Variants in FAM227B observed in about 807,000 individuals in gnomAD.
FAM227B encodes the protein family with sequence similarity 227 member B.
FAM227B carries 88 observed loss-of-function variants against 73.8 expected under a neutral mutation model. That is an observed-to-expected ratio of 1.19 (90% CI 1.00 to 1.42). The LOEUF is 1.42. FAM227B is among the 40% of genes most tolerant of loss of function. FAM227B has a pLI of 0.00. For missense variants in FAM227B, 632 were observed against 590.9 expected, an observed-to-expected ratio of 1.07 and a Z score of -0.72; for synonymous variants, 210 against 190.5, an observed-to-expected ratio of 1.10 and a Z score of -0.84.
intron 11 of FAM227B, among the ~76,000 whole-genome samples, chr15:49,432,326 T>C (rs1567264741): frequency 1.3e-5 from 2 of 151,734 alleles, no homozygotes. Context: ...GGCTGTTTCC[T>C]GTAGCACAGC....
At chr15:49,458,959 A>G (rs912277648) in intron 11 of FAM227B, among the ~76,000 whole-genome samples, 4 of 152,140 alleles carry the variant, frequency 2.6e-5, no homozygotes, top group Non-Finnish European at 4.4e-5. Context: ...AAAAATATTG[A>G]TCTGCTATCC....
In FAM227B at chr15:49,353,152, C is replaced by A. The variant is rs944151358; in HGVS notation, c.1271+14296G>T. Among the ~76,000 whole-genome samples the A allele has an allele frequency of 2.0e-5, 3 of 152,274 alleles. No homozygotes were observed. In the East Asian group the frequency reaches 5.8e-4, roughly 29 times the overall value. ...TTCAGCCACTGATAGTGTGGAAAGT[C>A]AAATTCCTCCAACAAAATCATAGGG... On this transcript the variant is annotated intron_variant, in intron 13 of 15. Coordinates refer to ENST00000299338, the MANE Select transcript of FAM227B (RefSeq NM_152647.3).
chr15:49,540,517 G>A (rs1303198917), intron 10 of FAM227B, among the ~76,000 whole-genome samples: 5 of 152,158 alleles, frequency 3.3e-5, no homozygotes, highest in South Asian at 2.1e-4. Context: ...GTGTGAGAGA[G>A]ATAAAAGCTG....
At chr15:49,619,315 G>A (rs2078504174) in intron 1 of FAM227B, among the ~76,000 whole-genome samples, 1 of 152,168 alleles carries the variant, frequency 6.6e-6, no homozygotes, top group African/African-American at 2.4e-5. Flanking sequence ...AATGGAACAG[G>A]ACTTTGACAC....
chr15:49,440,092 A>G (rs2051494606), intron 11 of FAM227B, among the ~76,000 whole-genome samples: 1 of 151,814 alleles, frequency 6.6e-6, no homozygotes, highest in Admixed American at 6.6e-5. Context: ...TCACGAAAAG[A>G]TAACTTTTCA....
intron 10 of FAM227B, among the ~76,000 whole-genome samples, chr15:49,535,085 A>G (rs1454661560): frequency 3.1e-4 from 47 of 151,742 alleles, no homozygotes; most frequent in Non-Finnish European, 3.0e-5. Flanking sequence ...ATAACAAAAA[A>G]CAGAACAGAA....
intron 13 of FAM227B, among the ~76,000 whole-genome samples, chr15:49,359,851 A>C (rs1269993656): frequency 2.1e-5 from 3 of 142,152 alleles, no homozygotes; most frequent in Non-Finnish European, 3.1e-5. Context: ...AATGTCCAAA[A>C]ATGATAGACT....
intron 3 of FAM227B, chr15:49,606,351 T>G (rs534872545): frequency 4.6e-5 from 7 of 152,298 alleles, no homozygotes; most frequent in South Asian, 2.1e-4. Context: ...CCATTCTAGT[T>G]TTCTCTCTTT....
chr15:49,469,672 A>G (rs2054562797), intron 11 of FAM227B, among the ~76,000 whole-genome samples: 1 of 152,186 alleles, frequency 6.6e-6, no homozygotes, highest in African/African-American at 2.4e-5. Flanking sequence ...AAAAGTAGCC[A>G]AGGAACTTCA....
intron 11 of FAM227B, among the ~76,000 whole-genome samples, chr15:49,463,252 C>A (rs77324001): frequency 0.017 from 2,608 of 152,204 alleles, 89 homozygotes; most frequent in African/African-American, 0.06. Context: ...CCATCCTCTA[C>A]AGAATAAAAA....
chr15:49,355,979 C>G (rs2151350148), intron 13 of FAM227B, among the ~76,000 whole-genome samples: 1 of 151,498 alleles, frequency 6.6e-6, no homozygotes, highest in Middle Eastern at 3.4e-3. Flanking sequence ...AATTTCATAT[C>G]CAGCCAAACT....
intron 10 of FAM227B, among the ~76,000 whole-genome samples, chr15:49,534,902 G>T (rs2060895346): frequency 6.6e-6 from 1 of 151,542 alleles, no homozygotes. Context: ...AAAGGAAAAT[G>T]GAAACATGAC....
intron 11 of FAM227B, among the ~76,000 whole-genome samples, chr15:49,377,128 G>A (rs1408257183): frequency 6.6e-6 from 1 of 151,960 alleles, no homozygotes; most frequent in Non-Finnish European, 1.5e-5. Flanking sequence ...TTGAGAACAT[G>A]CAATGTTTGT....
At chr15:49,515,427 A>G (rs1255639264) in intron 10 of FAM227B, among the ~76,000 whole-genome samples, 1 of 152,122 alleles carries the variant, frequency 6.6e-6, no homozygotes, top group African/African-American at 2.4e-5. Context: ...TTCCTGTCTG[A>G]TATTCCAATC....
intron 10 of FAM227B, among the ~76,000 whole-genome samples, chr15:49,519,484 C>T (rs2059627962): frequency 6.6e-6 from 1 of 152,228 alleles, no homozygotes; most frequent in Non-Finnish European, 1.5e-5. Context: ...CATTTCCATA[C>T]ATCCTCTAAT....
chr15:49,433,845 A>G (rs1040513969), intron 11 of FAM227B, among the ~76,000 whole-genome samples: 1 of 151,780 alleles, frequency 6.6e-6, no homozygotes, highest in African/African-American at 2.4e-5. Flanking sequence ...AGAAAAAAAC[A>G]GTAATTCATA....
At chr15:49,481,047 T>C (rs2055897178) in intron 11 of FAM227B, among the ~76,000 whole-genome samples, 1 of 152,222 alleles carries the variant, frequency 6.6e-6, no homozygotes, top group African/African-American at 2.4e-5. Context: ...TGCATCAGCA[T>C]TCTCTTTTTA....
chr15:49,428,122 A>G (rs2050283388), intron 11 of FAM227B, among the ~76,000 whole-genome samples: 1 of 151,966 alleles, frequency 6.6e-6, no homozygotes, highest in Non-Finnish European at 1.5e-5. Flanking sequence ...AGAGGCCAAG[A>G]GATACTGGAC....
In FAM227B at chr15:49,443,394, G is replaced by A. The variant is rs575025162; in HGVS notation, c.1012+64817C>T. On this transcript the variant is annotated intron_variant, in intron 11 of 15. Coordinates refer to ENST00000299338, the MANE Select transcript of FAM227B (RefSeq NM_152647.3). ...AACTCTGTTCAGTGATGTTTTGTTG[G>A]TGGCTTGGACCCAACTATGATAAGA... is the stretch of plus-strand genomic sequence containing the variant. Among the ~76,000 whole-genome samples the A allele has an allele frequency of 3.4e-4, 52 of 150,822 alleles. 1 individual carries two copies. Among genetic ancestry groups the A allele is most frequent in the Non-Finnish European group, 7.0e-4 (47 of 67,602 alleles).
Sources: allele counts gnomAD v4.1 joint callset (sites outside exome capture counted in the v4.1 genomes callset), GRCh38; gene constraint gnomAD v4.1.1; transcripts MANE v1.5; gene names NCBI Gene and HGNC (gene_info 2026-07-23, HGNC 2026-07-21).